The following GRK5 variants were observed in gnomAD, a reference collection of about 807,000 sequenced individuals.
GRK5 encodes g protein-coupled receptor kinase GRK5.
GRK5 carries 40 observed loss-of-function variants against 78.4 expected under a neutral mutation model. The observed-to-expected ratio is 0.51, with a 90% confidence interval of 0.40 to 0.66. The LOEUF is 0.66. GRK5 is among the 30% of genes least tolerant of loss of function. The pLI, the probability that GRK5 is intolerant of heterozygous loss-of-function variation, is 0.00. For missense variants in GRK5, 598 were observed against 759.9 expected, an observed-to-expected ratio of 0.79 and a Z score of 2.50; for synonymous variants, 289 against 296.8, an observed-to-expected ratio of 0.97 and a Z score of 0.27.
chr10:119,409,757 TC>T (rs1337776105), intron 4 of GRK5, among the ~76,000 whole-genome samples: 1 of 152,140 alleles, frequency 6.6e-6, no homozygotes, highest in Non-Finnish European at 1.5e-5. Flanking sequence ...GATGAAGTCT[TC>T]ACTGGAGAAA....
At chr10:119,312,291 G>A (rs763277262) in intron 1 of GRK5, among the ~76,000 whole-genome samples, 2 of 152,180 alleles carry the variant, frequency 1.3e-5, no homozygotes, top group African/African-American at 2.4e-5. Context: ...ATGGCGATCA[G>A]GGTCAGCCTC....
chr10:119,272,139 C>T (rs1202680894), intron 1 of GRK5, among the ~76,000 whole-genome samples: 1 of 152,178 alleles, frequency 6.6e-6, no homozygotes, highest in East Asian at 1.9e-4. Flanking sequence ...TTGTATGGGA[C>T]CCTGTGCCGG....
At chr10:119,305,109 C>T (rs1408129082) in intron 1 of GRK5, among the ~76,000 whole-genome samples, 7 of 151,674 alleles carry the variant, frequency 4.6e-5, no homozygotes, top group Admixed American at 2.6e-4. Context: ...CAGATGAGGT[C>T]TCCTGAGCTT....
intron 3 of GRK5, among the ~76,000 whole-genome samples, chr10:119,395,216 T>C (rs1450973626): frequency 6.6e-6 from 1 of 152,344 alleles, no homozygotes; most frequent in Admixed American, 6.5e-5. Context: ...TAAATGATTG[T>C]AGTGTTCATG....
intron 1 of GRK5, among the ~76,000 whole-genome samples, chr10:119,279,349 A>G (rs1849721729): frequency 6.6e-6 from 1 of 152,210 alleles, no homozygotes; most frequent in Non-Finnish European, 1.5e-5. Context: ...ATTTGGGGGC[A>G]TACAATTCTG....
At chr10:119,291,928 T>TCTTCCTCC in intron 1 of GRK5, among the ~76,000 whole-genome samples, 1 of 129,952 alleles carries the variant, frequency 7.7e-6, no homozygotes, top group Admixed American at 7.8e-5. Flanking sequence ...TTCTTCCTCC[T>TCTTCCTCC]TCTTTTCCTC....
At chr10:119,236,380 A>C (rs915716800) in intron 1 of GRK5, among the ~76,000 whole-genome samples, 7 of 151,226 alleles carry the variant, frequency 4.6e-5, no homozygotes, top group Non-Finnish European at 8.8e-5. Context: ...TCACCTGGCT[A>C]ATTTTTTGTG....
intron 4 of GRK5, among the ~76,000 whole-genome samples, chr10:119,413,577 G>A (rs1321057126): frequency 2.6e-5 from 4 of 151,928 alleles, no homozygotes; most frequent in African/African-American, 7.3e-5. Context: ...TTCCGTCTGC[G>A]GGCATTTGCG....
chr10:119,394,309 GGCACGT>G, intron 3 of GRK5, among the ~76,000 whole-genome samples: 1 of 2,102 alleles, frequency 4.8e-4, no homozygotes, highest in African/African-American at 2.1e-3. Flanking sequence ...TGTCTGTGTG[GGCACGT>G]GGGTGTGTGT....
chr10:119,365,493 G>A (rs1040257220), intron 2 of GRK5, among the ~76,000 whole-genome samples: 5 of 152,344 alleles, frequency 3.3e-5, no homozygotes, highest in African/African-American at 1.2e-4. Flanking sequence ...CTGGGAGGGG[G>A]TTTGGAAAGA....
At chr10:119,371,110 C>T (rs573869705) in intron 2 of GRK5, among the ~76,000 whole-genome samples, 1 of 152,326 alleles carries the variant, frequency 6.6e-6, no homozygotes, top group African/African-American at 2.4e-5. Flanking sequence ...CGTGTGTTTT[C>T]CTTGGCCCGA....
At chr10:119,398,698 G>A (rs921714479) in intron 4 of GRK5, among the ~76,000 whole-genome samples, 2 of 152,208 alleles carry the variant, frequency 1.3e-5, no homozygotes, top group Admixed American at 6.5e-5. Context: ...CCATCTTACC[G>A]ATAAGGAAGG....
At chr10:119,268,848 T>C (rs1849542619) in intron 1 of GRK5, among the ~76,000 whole-genome samples, 1 of 152,218 alleles carries the variant, frequency 6.6e-6, no homozygotes, top group Non-Finnish European at 1.5e-5. Flanking sequence ...GGCCTTGATC[T>C]CAAGGTGGGA....
At chr10:119,312,995 AATGGTGGTCGTGACGGTG>A (rs1564886894) in intron 1 of GRK5, among the ~76,000 whole-genome samples, 24 of 122,944 alleles carry the variant, frequency 2.0e-4, no homozygotes, top group Non-Finnish European at 4.2e-4. Context: ...TGGTGGTGGT[AATGGTGGTCGTGACGGTG>A]ATGGTAGTGG....
At chr10:119,215,426 G>A (rs986556223) in intron 1 of GRK5, among the ~76,000 whole-genome samples, 7 of 151,436 alleles carry the variant, frequency 4.6e-5, no homozygotes, top group African/African-American at 1.2e-4. Flanking sequence ...GTTGGGGAGA[G>A]AGACAGTGTG....
intron 1 of GRK5, among the ~76,000 whole-genome samples, chr10:119,279,791 G>C (rs144984669): frequency 6.6e-6 from 1 of 152,374 alleles, no homozygotes; most frequent in African/African-American, 2.4e-5. Flanking sequence ...CCCTCGAGGA[G>C]CCTACTCCAT....
At chr10:119,421,964 C>T (rs1321852164) in intron 4 of GRK5, among the ~76,000 whole-genome samples, 1 of 152,174 alleles carries the variant, frequency 6.6e-6, no homozygotes, top group African/African-American at 2.4e-5. Context: ...ATTGACACCC[C>T]CGCCCAGAAA....
chr10:119,400,587 G>T (rs1317111488), intron 4 of GRK5, among the ~76,000 whole-genome samples: 1 of 152,172 alleles, frequency 6.6e-6, no homozygotes, highest in Non-Finnish European at 1.5e-5. Context: ...AGGTAGGAAA[G>T]CGCACAGGAT....
intron 1 of GRK5, among the ~76,000 whole-genome samples, chr10:119,227,211 C>A (rs1848754804): frequency 6.6e-6 from 1 of 151,970 alleles, no homozygotes; most frequent in Admixed American, 6.6e-5. Context: ...ATCACAGAGA[C>A]CAAATAAAAA....
Sources: allele counts gnomAD v4.1 joint callset (sites outside exome capture counted in the v4.1 genomes callset), GRCh38; gene constraint gnomAD v4.1.1; transcripts MANE v1.5; gene names NCBI Gene and HGNC (gene_info 2026-07-23, HGNC 2026-07-21).